GRM7: variants seen among roughly 807,000 people sequenced by gnomAD.
GRM7 encodes metabotropic glutamate receptor 7.
In GRM7, 35 loss-of-function variants were observed where a neutral mutation model predicts 84.5. The ratio of observed to expected loss-of-function variants is 0.41; its 90% CI spans 0.32 to 0.55. GRM7 has a LOEUF of 0.55. GRM7 is among the 20% of genes least tolerant of loss of function. GRM7 has a pLI of 0.19. For synonymous variants in GRM7, 487 were observed against 455.1 expected (o/e 1.07, Z -0.89); for missense variants, 1,003 against 1,194.6 (o/e 0.84, Z 2.36).
At chr3:7,161,980 A>C (rs1694639195) in intron 2 of GRM7, among the ~76,000 whole-genome samples, 1 of 152,210 alleles carries the variant, frequency 6.6e-6, no homozygotes, top group African/African-American at 2.4e-5. Flanking sequence ...CGTAATGCCA[A>C]TAGAGCTTGC....
At chr3:7,158,718 T>C in intron 2 of GRM7, among the ~76,000 whole-genome samples, 1 of 152,154 alleles carries the variant, frequency 6.6e-6, no homozygotes, top group East Asian at 1.9e-4. Flanking sequence ...AATAAACATT[T>C]GTTGATGTAG....
intron 7 of GRM7, among the ~76,000 whole-genome samples, chr3:7,525,790 A>G (rs1700782746): frequency 6.6e-6 from 1 of 152,068 alleles, no homozygotes; most frequent in Non-Finnish European, 1.5e-5. Context: ...TCTCACTTAT[A>G]AGTGAGAACA....
chr3:7,718,466 G>C (rs1401201804), intron 9 of GRM7, among the ~76,000 whole-genome samples: 2 of 152,068 alleles, frequency 1.3e-5, no homozygotes, highest in African/African-American at 4.8e-5. Context: ...AAAGACTGCA[G>C]AAAAATAATC....
At chr3:7,166,521 C>T (rs115184670) in intron 2 of GRM7, among the ~76,000 whole-genome samples, 1,648 of 152,230 alleles carry the variant, frequency 0.011, 22 homozygotes, top group African/African-American at 0.035. Flanking sequence ...CTGTCTCCAC[C>T]CCAACTGGGA....
At chr3:7,439,396 C>G (rs933921474) in intron 5 of GRM7, among the ~76,000 whole-genome samples, 1 of 152,132 alleles carries the variant, frequency 6.6e-6, no homozygotes, top group South Asian at 2.1e-4. Flanking sequence ...TTCTGTCAGC[C>G]TATGTGAATT....
Position 7,177,612 on chromosome 3 carries a change from G to C in GRM7, c.736+30944G>C, listed in dbSNP as rs146768714. On this transcript the variant is annotated intron_variant, in intron 2 of 9. Coordinates refer to ENST00000357716, the MANE Select transcript of GRM7 (RefSeq NM_000844.4). The stretch of plus-strand genomic sequence containing the variant: ...TGACATGGAGGAGACAGGAGAGTTA[G>C]ATGGGGTGGGAGAAAAGAAGGAAAT... Among the ~76,000 whole-genome samples, 182 of 151,204 alleles carry C rather than the reference G, an allele frequency of 1.2e-3. 1 individual carries two copies. Among genetic ancestry groups the C allele is most frequent in the African/African-American group, 4.3e-3 (178 of 41,124 alleles).
At chr3:7,691,858 A>C (rs993470161) in intron 9 of GRM7, among the ~76,000 whole-genome samples, 5 of 151,986 alleles carry the variant, frequency 3.3e-5, no homozygotes, top group African/African-American at 1.2e-4. Flanking sequence ...ATGGGGTTTC[A>C]CCATGTTTGT....
intron 4 of GRM7, among the ~76,000 whole-genome samples, chr3:7,336,189 T>C (rs1253158921): frequency 6.6e-6 from 1 of 151,936 alleles, no homozygotes; most frequent in African/African-American, 2.4e-5. Context: ...CAAAAGATAA[T>C]ATGCCACGAT....
At chr3:7,443,905 T>C (rs1697395729) in intron 5 of GRM7, among the ~76,000 whole-genome samples, 1 of 152,214 alleles carries the variant, frequency 6.6e-6, no homozygotes, top group African/African-American at 2.4e-5. Flanking sequence ...TTAATTGTTT[T>C]TTTACATGCC....
At chr3:7,504,458 A>G (rs191675915) in intron 7 of GRM7, among the ~76,000 whole-genome samples, 1 of 152,332 alleles carries the variant, frequency 6.6e-6, no homozygotes, top group Admixed American at 6.5e-5. Context: ...TTACTATAAA[A>G]GAATACCACA....
chr3:7,733,544 C>A (rs949349940), intron 9 of GRM7, among the ~76,000 whole-genome samples: 4 of 152,106 alleles, frequency 2.6e-5, no homozygotes, highest in African/African-American at 4.8e-5. Flanking sequence ...TTCCGGGGAC[C>A]CTTCCCTATC....
At chr3:6,896,339 G>T (rs1203150165) in intron 1 of GRM7, among the ~76,000 whole-genome samples, 1 of 152,144 alleles carries the variant, frequency 6.6e-6, no homozygotes, top group African/African-American at 2.4e-5. Context: ...TCTAAGCCAA[G>T]CCTGTTTTGG....
intron 1 of GRM7, among the ~76,000 whole-genome samples, chr3:7,084,019 A>G (rs1335691289): frequency 6.6e-6 from 1 of 152,132 alleles, no homozygotes; most frequent in Admixed American, 6.6e-5. Flanking sequence ...TTGTAAGGTC[A>G]TGTAGATGAT....
intron 1 of GRM7, among the ~76,000 whole-genome samples, chr3:6,962,390 G>A (rs1485808731): frequency 6.6e-6 from 1 of 152,096 alleles, no homozygotes; most frequent in Non-Finnish European, 1.5e-5. Context: ...ATATAGCAAA[G>A]TGAAGAAAGC....
chr3:7,116,103 A>G (rs1266487752), intron 1 of GRM7, among the ~76,000 whole-genome samples: 2 of 152,112 alleles, frequency 1.3e-5, no homozygotes, highest in Non-Finnish European at 2.9e-5. Flanking sequence ...AGCATATTTC[A>G]GGGGTGCATA....
At chr3:7,552,099 C>T (rs1219092239) in intron 7 of GRM7, among the ~76,000 whole-genome samples, 1 of 152,168 alleles carries the variant, frequency 6.6e-6, no homozygotes, top group African/African-American at 2.4e-5. Context: ...CCTGATCTCT[C>T]CCTTGAAACC....
At chr3:7,053,469 A>C (rs1697086114) in intron 1 of GRM7, among the ~76,000 whole-genome samples, 1 of 151,612 alleles carries the variant, frequency 6.6e-6, no homozygotes, top group South Asian at 2.1e-4. Context: ...TACTAGCTTA[A>C]TGTTCTCCTA....
intron 5 of GRM7, among the ~76,000 whole-genome samples, chr3:7,420,626 T>C (rs1294873763): frequency 6.6e-6 from 1 of 152,172 alleles, no homozygotes; most frequent in African/African-American, 2.4e-5. Context: ...ATCGGAGTCT[T>C]GGTTGACATC....
chr3:7,582,064 T>C (rs1695283327), intron 8 of GRM7, among the ~76,000 whole-genome samples: 1 of 152,166 alleles, frequency 6.6e-6, no homozygotes, highest in Non-Finnish European at 1.5e-5. Context: ...TTAGGTGGCG[T>C]AATGATGCAA....
Sources: gnomAD v4.1 joint callset for allele counts (sites outside exome capture counted in the v4.1 genomes callset) on GRCh38, gnomAD v4.1.1 for gene constraint, MANE v1.5 for transcripts, NCBI Gene and HGNC (gene_info 2026-07-23, HGNC 2026-07-21) for gene names.